TG: variants seen among roughly 807,000 people sequenced by gnomAD.
TG encodes thyroid hormones.
A neutral mutation model predicts 324.7 loss-of-function variants in TG; 270 were observed. The ratio of observed to expected loss-of-function variants is 0.83; its 90% CI spans 0.75 to 0.92. The LOEUF is 0.92. Among genes scored for constraint, TG ranks in the 40% least tolerant of loss-of-function variants. The pLI, the probability that TG is intolerant of heterozygous loss-of-function variation, is 0.00. For synonymous variants in TG, 1,401 were observed against 1,327.0 expected, an observed-to-expected ratio of 1.06 and a Z score of -1.21; for missense variants, 3,591 against 3,456.4, an observed-to-expected ratio of 1.04 and a Z score of -0.98.
In TG at chr8:132,898,238, T is replaced by C. The variant is rs755615691; in HGVS notation, c.3209T>C (p.Ile1070Thr). 4 of 1,598,096 alleles carry C rather than the reference T, an allele frequency of 2.5e-6. No individual in the cohort carries two copies. Residue 1070 changes from isoleucine to threonine, a missense_variant, in exon 13 of 48, where the codon ATT (isoleucine) becomes ACT (threonine). Physicochemically the swap from Ile to Thr is moderately conservative, Grantham distance 89 (BLOSUM62 -1). Coordinates refer to ENST00000220616, the MANE Select transcript of TG (RefSeq NM_003235.5). ...TCACTGACTGCCCGCTCTCTGCAGA[T>C]TCCACAGTGTAAGTGAAGACTGCAG... ...PGSLTARSLQ[I>T]PQCPTTCEKS...
chr8:133,074,667 A>G lies in TG; in HGVS notation c.7240-20377A>G, dbSNP rs140218626. ...CTTCTCTCCACAGAATTATGCATCC[A>G]ACACCCACTGAGCCACTGCAGTGTG... On this transcript the variant is annotated intron_variant, in intron 41 of 47. Coordinates refer to ENST00000220616, the MANE Select transcript of TG (RefSeq NM_003235.5). 1.9e-3 allele frequency among the ~76,000 whole-genome samples: 282 copies of G among 152,282 alleles called. 1 individual carries two copies. The highest frequency in any genetic ancestry group is 6.2e-3 in the African/African-American group (257 of 41,556).
At chr8:133,055,824 CCAGCAGCAG>C (rs36210010) in intron 41 of TG, among the ~76,000 whole-genome samples, 35 of 150,884 alleles carry the variant, frequency 2.3e-4, no homozygotes, top group Middle Eastern at 3.4e-3. Context: ...CTCCTCATCA[CCAGCAGCAG>C]CAGCAGCAGC....
At chr8:132,909,740 A>G (rs940401872) in intron 18 of TG, among the ~76,000 whole-genome samples, 1 of 152,154 alleles carries the variant, frequency 6.6e-6, no homozygotes, top group African/African-American at 2.4e-5. Context: ...TGGGTTTAGG[A>G]GAACCCACCT....
intron 5 of TG, among the ~76,000 whole-genome samples, chr8:132,881,384 T>C (rs1814619371): frequency 6.6e-6 from 1 of 152,184 alleles, no homozygotes; most frequent in Non-Finnish European, 1.5e-5. Context: ...TGGTGGCAGC[T>C]GGCTTCTTTT....
rs115860194 is a variant in TG, at chr8:133,096,269, G to A, written c.7468G>A (p.Glu2490Lys). The change falls in exon 43 of 48, where the codon GAG becomes AAG. Residue 2490 changes from glutamate to lysine, a missense_variant. Physicochemically the swap from Glu to Lys is moderately conservative, Grantham distance 56. Transcript: ENST00000220616. Reference protein sequence around the residue: ...GPVIDGHFLREPPARALKRSL... With the variant: ...GPVIDGHFLRKPPARALKRSL... Reference sequence around the variant, plus strand: ...TGTGATCGATGGCCACTTCCTCCGTGAGCCTCCAGCCAGAGCACTGAAGAG... The same window carrying A: ...TGTGATCGATGGCCACTTCCTCCGTAAGCCTCCAGCCAGAGCACTGAAGAG... 2.8e-5 allele frequency: 46 copies of A among 1,614,212 alleles called. No homozygotes were observed. The highest frequency in any genetic ancestry group is 3.8e-5 in the Non-Finnish European group (45 of 1,180,046).
At chr8:133,070,438 A>G (rs923374829) in intron 41 of TG, among the ~76,000 whole-genome samples, 8 of 152,222 alleles carry the variant, frequency 5.3e-5, no homozygotes, top group African/African-American at 1.7e-4. Context: ...CCTAAAGGAG[A>G]TGTTTAAAAT....
chr8:133,030,084 C>T (rs1037020535), intron 41 of TG, 61 bp downstream of exon 41: 1 of 1,603,484 alleles, frequency 6.2e-7, no homozygotes, highest in African/African-American at 1.3e-5. Context: ...AGGTGGTTCT[C>T]CTGTGCTGCA....
chr8:133,038,849 C>G (rs1314235621), intron 41 of TG: 2 of 643,554 alleles, frequency 3.1e-6, no homozygotes, highest in African/African-American at 3.7e-5. Flanking sequence ...AACAAAAATC[C>G]TGGTGACTAT....
At chr8:133,106,438 C>T in intron 43 of TG, 1 of 985,366 alleles carries the variant, frequency 1.0e-6, no homozygotes. Context: ...GATGGGGAAG[C>T]TCTTCTCCCA....
chr8:133,113,689 A>C, intron 44 of TG, 86 bp downstream of exon 44: 1 of 1,471,472 alleles, frequency 6.8e-7, no homozygotes, highest in Non-Finnish European at 9.3e-7. Context: ...AATGAGAAAT[A>C]AAGGCACGTG....
chr8:133,017,176 A>G (rs944052913), intron 37 of TG, among the ~76,000 whole-genome samples: 1 of 151,964 alleles, frequency 6.6e-6, no homozygotes, highest in South Asian at 2.1e-4. Flanking sequence ...CTCCACCTCT[A>G]CATCTCTTCC....
Position 132,901,460 on chromosome 8 carries a change from T to C in TG, c.3541T>C (p.Cys1181Arg), listed in dbSNP as rs899556511. 6.2e-7 allele frequency: 1 copy of C among 1,614,142 alleles called. No individual in the cohort carries two copies. Reference sequence around the variant, plus strand: ...GGATGGGGGCTTTTCCCCAGTGCAATGTGACCAGGCCCAGGGCAGCTGCTG... The same window carrying C: ...GGATGGGGGCTTTTCCCCAGTGCAACGTGACCAGGCCCAGGGCAGCTGCTG... ...AEDGGFSPVQ[C>R]DQAQGSCWCV... Residue 1181 changes from cysteine to arginine, a missense_variant, in exon 16 of 48, where the codon TGT (cysteine) becomes CGT (arginine). By Grantham distance (180) the Cys-to-Arg change is radical. Transcript: ENST00000220616.
At chr8:133,052,868 A>G (rs1164013564) in intron 41 of TG, among the ~76,000 whole-genome samples, 1 of 152,190 alleles carries the variant, frequency 6.6e-6, no homozygotes, top group Non-Finnish European at 1.5e-5. Context: ...CCACTCACTG[A>G]GTGGGACGCC....
In TG at chr8:132,941,432, T is replaced by C; in HGVS notation, c.5123T>C (p.Ile1708Thr). The change falls in exon 26 of 48, where the codon ATT (isoleucine) becomes ACT (threonine). Residue 1708 changes from isoleucine (I) to threonine (T), a missense_variant. Coordinates refer to ENST00000220616, the MANE Select transcript of TG (RefSeq NM_003235.5). ...ATGCTTTCTGGATTGTACAACCCCA[T>C]TGTGTTCTCAGCCTCAGGAGCCAAT... ...QNMLSGLYNP[I>T]VFSASGANLT... is the part of the protein sequence containing the mutation. The C allele has an allele frequency of 6.2e-7, 1 of 1,614,220 alleles. No homozygotes were observed. Among genetic ancestry groups the C allele is most frequent in the East Asian group, 2.2e-5 (1 of 44,888 alleles).
intron 5 of TG, among the ~76,000 whole-genome samples, chr8:132,874,405 C>T (rs1309054259): frequency 1.3e-5 from 2 of 152,208 alleles, no homozygotes; most frequent in African/African-American, 4.8e-5. Flanking sequence ...GTCATCCACA[C>T]TGGCCACTGG....
At chr8:132,898,038 G>C in intron 12 of TG, 131 bp from the exon 13 acceptor site, 1 of 969,666 alleles carries the variant, frequency 1.0e-6, no homozygotes, top group Non-Finnish European at 1.6e-6. Context: ...GTCCGGCTGG[G>C]GGTCTAGACT....
chr8:132,989,320 A>C (rs1186134203), intron 35 of TG, among the ~76,000 whole-genome samples: 1 of 152,218 alleles, frequency 6.6e-6, no homozygotes, highest in Non-Finnish European at 1.5e-5. Context: ...GTAAACACAG[A>C]ATATTTAGGA....
At chr8:133,038,386 G>C (rs1181296541) in intron 41 of TG, 3 of 685,510 alleles carry the variant, frequency 4.4e-6, no homozygotes, top group Non-Finnish European at 7.8e-6. Context: ...ATGCGAATTT[G>C]AGTCTCCATG....
chr8:132,982,220 C>G (rs760669546), intron 34 of TG, among the ~76,000 whole-genome samples: 5 of 152,080 alleles, frequency 3.3e-5, no homozygotes, highest in African/African-American at 9.7e-5. Flanking sequence ...GAGTAATTTG[C>G]TCAAAGTTAC....
Sources: gnomAD v4.1 joint callset for allele counts (sites outside exome capture counted in the v4.1 genomes callset) on GRCh38, gnomAD v4.1.1 for gene constraint, MANE v1.5 for transcripts, NCBI Gene and HGNC (gene_info 2026-07-23, HGNC 2026-07-21) for gene names.